Variants in TIAM2 observed in about 807,000 individuals in gnomAD.
TIAM2 encodes TIAM Rac1 associated GEF 2.
A neutral mutation model predicts 152.9 loss-of-function variants in TIAM2; 80 were observed. That is an observed-to-expected ratio of 0.52 (90% CI 0.44 to 0.63). The LOEUF (loss-of-function observed/expected upper bound fraction) is 0.63, where lower values mean the gene tolerates loss of function less well. Ranked by LOEUF, TIAM2 falls within the 30% of genes least tolerant of loss-of-function variation. The pLI is 0.00. For synonymous variants in TIAM2, 804 were observed against 838.0 expected (o/e 0.96, Z 0.70); for missense variants, 1,965 against 2,120.1 (o/e 0.93, Z 1.44).
At chr6:155,138,078 C>T (rs1779597403) in intron 5 of TIAM2, among the ~76,000 whole-genome samples, 1 of 152,202 alleles carries the variant, frequency 6.6e-6, no homozygotes. Flanking sequence ...TGACCTCAAG[C>T]AGGTTGTCCA....
chr6:155,028,118 T>A (rs1211770174), intron 1 of TIAM2, among the ~76,000 whole-genome samples: 1 of 107,588 alleles, frequency 9.3e-6, no homozygotes, highest in Non-Finnish European at 1.8e-5. Flanking sequence ...ATGTACTGTG[T>A]TACATATATA....
At chr6:155,201,878 A>T (rs963875331) in intron 14 of TIAM2, among the ~76,000 whole-genome samples, 1 of 152,260 alleles carries the variant, frequency 6.6e-6, no homozygotes, top group Non-Finnish European at 1.5e-5. Context: ...TGTCAAAAAC[A>T]TCACCAATTG....
chr6:155,047,798 C>G (rs56024333), intron 1 of TIAM2, among the ~76,000 whole-genome samples: 1 of 151,406 alleles, frequency 6.6e-6, no homozygotes, highest in Non-Finnish European at 1.5e-5. Context: ...ACTACTTTTT[C>G]TCTCTTCACT....
chr6:155,162,389 C>T (rs1780295285), intron 7 of TIAM2, among the ~76,000 whole-genome samples: 1 of 152,178 alleles, frequency 6.6e-6, no homozygotes. Context: ...CTAGAAATAT[C>T]TACATATTAT....
rs528814736 is a variant in TIAM2, at chr6:155,029,077, A to G, written c.-209+33585A>G. Among the ~76,000 whole-genome samples the G allele has an allele frequency of 4.4e-3, 367 of 84,288 alleles. 88 individuals carry two copies. Among genetic ancestry groups the G allele is most frequent in the African/African-American group, 0.021 (348 of 16,368 alleles). 55.3% of individuals were successfully genotyped at this position (84,288 alleles called of 152,430 possible). ...TATATACACTGTATATACTATATATACTGTTATATATACACTGTATATACT... is the reference window on the plus strand; with the variant it reads ...TATATACACTGTATATACTATATATGCTGTTATATATACACTGTATATACT... On this transcript the variant is annotated intron_variant, in intron 1 of 26. Coordinates refer to ENST00000682666, the MANE Select transcript of TIAM2 (RefSeq NM_012454.4).
chr6:155,137,513 G>A lies in TIAM2; in HGVS notation c.1531G>A (p.Gly511Arg), dbSNP rs982248325. The part of the protein sequence containing the change: ...EKEQGVVRKA[G>R]WLFFKPLVTV... ...GGAACAGGGGGTGGTCCGGAAGGCC[G>A]GGTGGCTCTTCTTCAAGCCCCTGGT... The change falls in exon 5 of 27, where the codon GGG becomes AGG. Residue 511 changes from glycine (G) to arginine (R), a missense_variant. Around this residue, in one of 3 missense-constraint regions of TIAM2, gnomAD observed 1,025 missense variants for 1,119.4 expected, o/e 0.92. Transcript: ENST00000682666. 3.1e-6 allele frequency: 5 copies of A among 1,614,108 alleles called. No homozygotes were observed. The highest frequency in any genetic ancestry group is 4.2e-6 in the Non-Finnish European group (5 of 1,180,026).
intron 10 of TIAM2, among the ~76,000 whole-genome samples, chr6:155,177,398 C>T (rs1209856180): frequency 6.6e-6 from 1 of 152,172 alleles, no homozygotes; most frequent in Non-Finnish European, 1.5e-5. Flanking sequence ...GATATATTCA[C>T]AGTTGCTTTA....
chr6:155,098,784 A>T (rs892410398), intron 2 of TIAM2, among the ~76,000 whole-genome samples: 5 of 152,246 alleles, frequency 3.3e-5, no homozygotes, highest in African/African-American at 1.2e-4. Flanking sequence ...ATTAGTTTTA[A>T]ATCCACATTT....
At chr6:155,091,288 G>A (rs1447468310) in intron 2 of TIAM2, among the ~76,000 whole-genome samples, 3 of 152,214 alleles carry the variant, frequency 2.0e-5, no homozygotes, top group South Asian at 4.2e-4. Context: ...TTATGTATCG[G>A]CTTGTTGTCT....
intron 22 of TIAM2, 60 bp downstream of exon 22, chr6:155,251,081 C>T (rs1401024574): frequency 7.0e-7 from 1 of 1,423,624 alleles, no homozygotes; most frequent in Non-Finnish European, 9.9e-7. Context: ...GGAAGAACTT[C>T]ACTAGCCGCA....
intron 19 of TIAM2, among the ~76,000 whole-genome samples, chr6:155,247,377 G>A (rs746940468): frequency 1.1e-4 from 16 of 152,234 alleles, no homozygotes; most frequent in African/African-American, 3.6e-4. Context: ...TGCCTAGGCT[G>A]GAGTGCAGTG....
intron 2 of TIAM2, among the ~76,000 whole-genome samples, chr6:155,107,112 A>G (rs1296974634): frequency 6.6e-6 from 1 of 152,114 alleles, no homozygotes; most frequent in Non-Finnish European, 1.5e-5. Context: ...AACTTTTCTT[A>G]TTAACGAACA....
chr6:155,145,346 G>A (rs1034158703), intron 6 of TIAM2, among the ~76,000 whole-genome samples: 3 of 152,124 alleles, frequency 2.0e-5, no homozygotes, highest in Admixed American at 6.5e-5. Flanking sequence ...CTGAGCCATC[G>A]GTATTGGGGT....
rs1023578501 is a variant in TIAM2 at position 155,218,971 on chromosome 6, C to T, written c.3168+7664C>T. Among the ~76,000 whole-genome samples the T allele has an allele frequency of 2.2e-5, 3 of 135,906 alleles. No homozygotes were observed. Among genetic ancestry groups the T allele is most frequent in the African/African-American group, 2.8e-5 (1 of 35,762 alleles). 89.2% of individuals were successfully genotyped at this position (135,906 alleles called of 152,430 possible). ...CACCCGTGTTCTTGACCATCTCAGC[C>T]GCCCACCCGTGTTCTTGACCATCTC... On this transcript the variant is annotated intron_variant, in intron 15 of 26. Transcript: ENST00000682666. This position sits in a 1 kb window ranked among gnomAD's most constrained non-coding sequence, Gnocchi z 4.5.
At chr6:155,245,545 A>G in intron 18 of TIAM2, 78 bp from the exon 19 acceptor site, 15 of 1,178,998 alleles carry the variant, frequency 1.3e-5, no homozygotes, top group Non-Finnish European at 1.5e-5. Flanking sequence ...GACAGAAGCC[A>G]TGGGGCCGTC....
chr6:155,236,689 A>T (rs1173919480), intron 15 of TIAM2, among the ~76,000 whole-genome samples: 1 of 152,170 alleles, frequency 6.6e-6, no homozygotes, highest in Non-Finnish European at 1.5e-5. Context: ...AGAGCAAGTC[A>T]TATCTTACGT....
intron 18 of TIAM2, 178 bp downstream of exon 18, chr6:155,244,961 ATTT>A: frequency 2.8e-6 from 2 of 721,438 alleles, no homozygotes; most frequent in Non-Finnish European, 2.0e-6. Context: ...GGCTGTATAT[ATTT>A]TTTTTTCCTG....
At chr6:155,233,220 C>T (rs892885425) in intron 15 of TIAM2, among the ~76,000 whole-genome samples, 1 of 152,180 alleles carries the variant, frequency 6.6e-6, no homozygotes, top group South Asian at 2.1e-4. Context: ...CCAAAACGCA[C>T]AGGAAAGTTG....
chr6:155,019,644 G>T (rs1000558868), intron 1 of TIAM2, among the ~76,000 whole-genome samples: 1 of 152,196 alleles, frequency 6.6e-6, no homozygotes, highest in African/African-American at 2.4e-5. Flanking sequence ...ACTGATAGTT[G>T]GTTGGCCTGA....
Sources: gnomAD v4.1 joint callset for allele counts (sites outside exome capture counted in the v4.1 genomes callset) on GRCh38, gnomAD v4.1.1 for gene constraint, gnomAD v4.1.1 regional missense constraint, Gnocchi (gnomAD v3.1) non-coding constraint, MANE v1.5 for transcripts, NCBI Gene and HGNC (gene_info 2026-07-23, HGNC 2026-07-21) for gene names.